Variants in OR9Q1 observed in about 807,000 individuals in gnomAD.
OR9Q1 encodes the protein olfactory receptor family 9 subfamily Q member 1.
For missense variants in OR9Q1, 374 were observed against 378.8 expected (o/e 0.99, Z 0.11); for synonymous variants, 153 against 148.6 (o/e 1.03, Z -0.22).
chr11:58,168,648 A>G (rs1854527747), intron 2 of OR9Q1, among the ~76,000 whole-genome samples: 1 of 151,412 alleles, frequency 6.6e-6, no homozygotes, highest in Non-Finnish European at 1.5e-5. Flanking sequence ...AGGTTTGTCT[A>G]TTGTATTGCA....
chr11:58,144,125 C>T (rs1009689014), intron 2 of OR9Q1, among the ~76,000 whole-genome samples: 3 of 150,828 alleles, frequency 2.0e-5, no homozygotes, highest in Admixed American at 6.6e-5. Context: ...TGTGCTGCAA[C>T]CATTAACTCG....
intron 2 of OR9Q1, among the ~76,000 whole-genome samples, chr11:58,161,475 C>G (rs17152423): frequency 0.049 from 7,395 of 151,856 alleles, 605 homozygotes; most frequent in African/African-American, 0.17. Context: ...CAGCTGTAAT[C>G]GTGGCTTGGC....
intron 2 of OR9Q1, among the ~76,000 whole-genome samples, chr11:58,173,454 A>G: frequency 6.6e-6 from 1 of 151,692 alleles, no homozygotes; most frequent in South Asian, 2.1e-4. Context: ...TGTCCCTACA[A>G]AGGACATGAA....
At chr11:58,045,958 CCCT>C (rs1320495621) in intron 1 of OR9Q1, among the ~76,000 whole-genome samples, 1 of 152,204 alleles carries the variant, frequency 6.6e-6, no homozygotes, top group East Asian at 1.9e-4. Flanking sequence ...CAGCAGCACT[CCCT>C]CAAGTTGTGA....
chr11:58,099,973 A>G (rs1238937992), intron 2 of OR9Q1, among the ~76,000 whole-genome samples: 1 of 152,206 alleles, frequency 6.6e-6, no homozygotes, highest in Non-Finnish European at 1.5e-5. Flanking sequence ...AATGACACAC[A>G]CTTATTGACT....
At chr11:58,133,321 G>A (rs1667816028) in intron 2 of OR9Q1, among the ~76,000 whole-genome samples, 1 of 152,172 alleles carries the variant, frequency 6.6e-6, no homozygotes, top group African/African-American at 2.4e-5. Context: ...AGGGATAGAT[G>A]AGCTCATGCA....
chr11:58,128,254 T>A (rs967418378), intron 2 of OR9Q1, among the ~76,000 whole-genome samples: 26 of 126,182 alleles, frequency 2.1e-4, no homozygotes, highest in African/African-American at 3.9e-4. Context: ...CAAGAAAAAC[T>A]AAAAAAAAAA....
intron 2 of OR9Q1, among the ~76,000 whole-genome samples, chr11:58,104,149 A>T (rs1853817784): frequency 6.6e-6 from 1 of 152,216 alleles, no homozygotes; most frequent in African/African-American, 2.4e-5. Flanking sequence ...ATGTAGCCTA[A>T]AACACTTTAC....
intron 2 of OR9Q1, among the ~76,000 whole-genome samples, chr11:58,113,840 G>A (rs916936411): frequency 6.6e-6 from 1 of 151,698 alleles, no homozygotes; most frequent in Non-Finnish European, 1.5e-5. Context: ...AAATTGGAAA[G>A]CACATTGAAT....
At chr11:58,042,610 G>A (rs1263499724) in intron 1 of OR9Q1, among the ~76,000 whole-genome samples, 2 of 150,030 alleles carry the variant, frequency 1.3e-5, no homozygotes, top group African/African-American at 4.9e-5. Context: ...TTTGGCTTAG[G>A]ATTGACTTGG....
rs181599578 is a variant in OR9Q1 at position 58,168,781 on chromosome 11, T to A, written c.-14-10650T>A. The stretch of plus-strand genomic sequence containing the variant: ...TGGTTGTGTGTATATTTTATTTATT[T>A]TTTTGTAGTCCATATTGTCTAATAC... On this transcript the variant is annotated intron_variant, in intron 2 of 2. Transcript: ENST00000335397. 7.2e-5 allele frequency among the ~76,000 whole-genome samples: 11 copies of A among 152,276 alleles called. No homozygotes were observed. In the South Asian group the frequency reaches 8.3e-4, roughly 11 times the overall value.
At chr11:58,038,067 G>A (rs1477461856) in intron 1 of OR9Q1, among the ~76,000 whole-genome samples, 6 of 151,400 alleles carry the variant, frequency 4.0e-5, no homozygotes, top group Admixed American at 2.6e-4. Context: ...TACATAAAAC[G>A]GTAAAAAGTC....
intron 2 of OR9Q1, among the ~76,000 whole-genome samples, chr11:58,149,819 A>G (rs189056015): frequency 5.3e-5 from 8 of 152,300 alleles, no homozygotes; most frequent in Admixed American, 2.0e-4. Context: ...ATCAATAATA[A>G]TCTATTGCAT....
At chr11:58,100,571 T>C (rs1433328340) in intron 2 of OR9Q1, among the ~76,000 whole-genome samples, 3 of 152,154 alleles carry the variant, frequency 2.0e-5, no homozygotes, top group Admixed American at 6.6e-5. Context: ...CCCCTTCCTA[T>C]AGATAAAAGT....
chr11:58,068,150 T>G (rs1590569324), intron 2 of OR9Q1, among the ~76,000 whole-genome samples: 1 of 147,032 alleles, frequency 6.8e-6, no homozygotes, highest in East Asian at 2.0e-4. Context: ...ACCAGCCTGA[T>G]CAACATGTTA....
intron 2 of OR9Q1, among the ~76,000 whole-genome samples, chr11:58,166,775 C>T (rs999330909): frequency 2.6e-5 from 4 of 152,250 alleles, no homozygotes; most frequent in African/African-American, 7.2e-5. Context: ...GAAATGAAGT[C>T]GGAACCATAT....
chr11:58,086,278 T>C (rs1310049793), intron 2 of OR9Q1, among the ~76,000 whole-genome samples: 3 of 151,818 alleles, frequency 2.0e-5, no homozygotes, highest in African/African-American at 2.4e-5. Context: ...TCATCGCTAA[T>C]CATTAGGTAA....
At chr11:58,065,086 C>T (rs1292543696) in intron 2 of OR9Q1, among the ~76,000 whole-genome samples, 1 of 152,138 alleles carries the variant, frequency 6.6e-6, no homozygotes, top group Admixed American at 6.5e-5. Flanking sequence ...ACAGCATCGG[C>T]TCTACAAACT....
intron 2 of OR9Q1, among the ~76,000 whole-genome samples, chr11:58,131,100 T>G (rs538703419): frequency 1.2e-4 from 18 of 152,362 alleles, no homozygotes; most frequent in African/African-American, 4.1e-4. Context: ...CATGTGCTTT[T>G]GGCTCTTAAA....
Sources: allele counts gnomAD v4.1 joint callset (sites outside exome capture counted in the v4.1 genomes callset), GRCh38; gene constraint gnomAD v4.1.1; transcripts MANE v1.5; gene names NCBI Gene and HGNC (gene_info 2026-07-23, HGNC 2026-07-21).